The following SLC35E3 variants were observed in gnomAD, a reference collection of about 807,000 sequenced individuals.
SLC35E3 encodes the protein bladder cancer-overexpressed gene 1 protein.
Under a neutral mutation model 30.8 loss-of-function variants are expected in SLC35E3, and 28 were observed. That is an observed-to-expected ratio of 0.91 (90% CI 0.67 to 1.25). The LOEUF (loss-of-function observed/expected upper bound fraction) is 1.25. Ranked by LOEUF, SLC35E3 falls within the 50% of genes most tolerant of loss-of-function variation. The pLI, the probability that SLC35E3 is intolerant of heterozygous loss-of-function variation, is 0.00. For synonymous variants in SLC35E3, 146 were observed against 149.2 expected (o/e 0.98, Z 0.16); for missense variants, 365 against 375.4 (o/e 0.97, Z 0.23).
At position 68,750,111 on chromosome 12, in the gene SLC35E3, G is replaced by A. The variant is rs55991335; in HGVS notation, c.514-1921G>A. ...AAAGGTTAAAAGGCACTCCAGGGGC[G>A]TTTTGGGGAACATAGGAGAACCTGA... On this transcript the variant is annotated intron_variant, in intron 2 of 4. Transcript: ENST00000398004. 3.1e-3 allele frequency among the ~76,000 whole-genome samples: 473 copies of A among 152,258 alleles called. 3 individuals carry two copies. The highest frequency in any genetic ancestry group is 0.011 in the African/African-American group (454 of 41,534).
At chr12:68,757,327 G>A (rs1213235410) in intron 3 of SLC35E3, among the ~76,000 whole-genome samples, 2 of 152,116 alleles carry the variant, frequency 1.3e-5, no homozygotes, top group South Asian at 4.1e-4. Flanking sequence ...GAGTAATTGT[G>A]TTTTTAATGA....
At chr12:68,764,476 A>T (rs992432955) in intron 4 of SLC35E3, among the ~76,000 whole-genome samples, 5 of 152,062 alleles carry the variant, frequency 3.3e-5, no homozygotes, top group African/African-American at 9.7e-5. Context: ...TTTTGTAGAG[A>T]CAAGGTTTCA....
intron 2 of SLC35E3, among the ~76,000 whole-genome samples, chr12:68,751,321 A>G (rs1878786675): frequency 6.9e-6 from 1 of 145,536 alleles, no homozygotes; most frequent in Non-Finnish European, 1.5e-5. Context: ...TTTTTTAGAC[A>G]GAGTCTCACT....
In SLC35E3 at chr12:68,748,010, TG is replaced by T; in HGVS notation, c.485del (p.Gly162ValfsTer3). The T allele has an allele frequency of 6.2e-7, 1 of 1,611,236 alleles. No individual in the cohort carries two copies. On this transcript the variant is annotated frameshift_variant, in exon 2 of 5. Coordinates refer to ENST00000398004, the MANE Select transcript of SLC35E3 (RefSeq NM_018656.5). LOFTEE classifies it high-confidence loss of function. ...TCCTTGGAATGGTGTTTGCTGCTCT[TG>T]GTGTTTTAGTTACATCCCTTTATCA... ...NFLGMVFAAL[G>X]VLVTSLYQVW...
At position 68,772,330 on chromosome 12, in the gene SLC35E3, G is replaced by T. The variant is rs917616150; in HGVS notation, c.*7440G>T. On this transcript the variant is annotated 3_prime_UTR_variant, in exon 5 of 5. Transcript: ENST00000398004. ...TGGGATTACAGGTGTGAGCCACCAC[G>T]CCTGGCCTGTTTGACCTTTATAAGA... 2.0e-5 allele frequency: 3 copies of T among 152,090 alleles called. No homozygotes were observed. Among genetic ancestry groups the T allele is most frequent in the South Asian group, 4.1e-4 (2 of 4,822 alleles). 9.4% of individuals were successfully genotyped at this position (152,090 alleles called of 1,614,324 possible).
rs1592550798 is a variant in SLC35E3 at position 68,771,475 on chromosome 12, C to T, written c.*6585C>T. 1 of 152,116 alleles carries T rather than the reference C, an allele frequency of 6.6e-6. No homozygotes were observed. The highest frequency in any genetic ancestry group is 2.1e-4 in the South Asian group (1 of 4,820). The allele number at this position is 152,116 out of a possible 1,614,324, so 9.4% of individuals were successfully genotyped here. ...ACTGAAGTTGAGGAACTCTGGTATA[C>T]AATGATAGAACATAATGCTGCAAAA... is the stretch of plus-strand genomic sequence containing the variant. On this transcript the variant is annotated 3_prime_UTR_variant, in exon 5 of 5. Transcript: ENST00000398004.
At position 68,774,119 on chromosome 12, in the gene SLC35E3, A is replaced by G. The variant is rs750747105; in HGVS notation, c.*9229A>G. 2 of 152,174 alleles carry G rather than the reference A, an allele frequency of 1.3e-5. No homozygotes were observed. Among genetic ancestry groups the G allele is most frequent in the Non-Finnish European group, 2.9e-5 (2 of 68,054 alleles). The allele number at this position is 152,174 out of a possible 1,614,324, so 9.4% of individuals were successfully genotyped here. On this transcript the variant is annotated 3_prime_UTR_variant, in exon 5 of 5. Transcript: ENST00000398004. ...GTGCTAATCAGCTTATGACTATAAA[A>G]GAGAGGTGAAGAGAGCCAGATCTGA...
At chr12:68,764,579 C>T (rs1212900895) in intron 4 of SLC35E3, 125 bp from the exon 5 acceptor site, 22 of 788,652 alleles carry the variant, frequency 2.8e-5, no homozygotes, top group East Asian at 2.0e-4. Context: ...TGATCCACCA[C>T]GCCTGGTCCC....
rs952963434 is a variant in SLC35E3 at position 68,770,013 on chromosome 12, C to G, written c.*5123C>G. On this transcript the variant is annotated 3_prime_UTR_variant, in exon 5 of 5. Transcript: ENST00000398004. ...TTCTGTGAGCACATAACAAAAGAAT[C>G]TGGCCCAGGCTTGGCACTTGTGGAG... 16 of 152,198 alleles carry G rather than the reference C, an allele frequency of 1.1e-4. No individual in the cohort carries two copies. Among genetic ancestry groups the G allele is most frequent in the African/African-American group, 3.9e-4 (16 of 41,438 alleles). The allele number at this position is 152,198 out of a possible 1,614,324, so 9.4% of individuals were successfully genotyped here.
intron 2 of SLC35E3, among the ~76,000 whole-genome samples, chr12:68,749,563 A>T (rs1227472802): frequency 6.6e-6 from 1 of 152,206 alleles, no homozygotes; most frequent in African/African-American, 2.4e-5. Context: ...ACACAAAGAG[A>T]CAGCTGGTCA....
At chr12:68,754,764 A>G (rs1878940976) in intron 3 of SLC35E3, among the ~76,000 whole-genome samples, 1 of 151,420 alleles carries the variant, frequency 6.6e-6, no homozygotes, top group African/African-American at 2.4e-5. Flanking sequence ...TATTTTGGGG[A>G]CTTTTATTTT....
intron 2 of SLC35E3, among the ~76,000 whole-genome samples, chr12:68,750,831 T>C (rs1379253602): frequency 1.3e-5 from 2 of 152,178 alleles, no homozygotes; most frequent in African/African-American, 4.8e-5. Flanking sequence ...TCAAATTCCC[T>C]GCTCTTCTAT....
At position 68,746,716 on chromosome 12, in the gene SLC35E3, GATC is replaced by G. The variant is rs1270838054; in HGVS notation, c.342_344del (p.Ile115del). The G allele has an allele frequency of 6.2e-7, 1 of 1,613,544 alleles. No individual in the cohort carries two copies. The highest frequency in any genetic ancestry group is 8.5e-7 in the Non-Finnish European group (1 of 1,179,622). ...TGGCCAAGGCCATGACCACGCCGGT[GATC>G]ATAGCCATCCAGACCTTCTGCTACC... On this transcript the variant is annotated inframe_deletion, in exon 1 of 5. Transcript: ENST00000398004.
chr12:68,749,132 A>G (rs1200584667), intron 2 of SLC35E3, among the ~76,000 whole-genome samples: 1 of 152,214 alleles, frequency 6.6e-6, no homozygotes, highest in African/African-American at 2.4e-5. Context: ...AGTACTCACC[A>G]TCTCTGTCAC....
At chr12:68,760,610 A>T (rs1879207022) in intron 4 of SLC35E3, among the ~76,000 whole-genome samples, 1 of 152,202 alleles carries the variant, frequency 6.6e-6, no homozygotes, top group Non-Finnish European at 1.5e-5. Flanking sequence ...AAATTTGTAC[A>T]TCATACTACC....
In SLC35E3 at chr12:68,775,572, C is replaced by A. The variant is rs573347219; in HGVS notation, c.*10682C>A. ...ATGACCCAGTCACCTTTTAAAGGCG[C>A]CATCTCTCAATATTGCCACATTGGG... On this transcript the variant is annotated 3_prime_UTR_variant, in exon 5 of 5. Transcript: ENST00000398004. 2 of 152,162 alleles carry A rather than the reference C, an allele frequency of 1.3e-5. No individual in the cohort carries two copies. Among genetic ancestry groups the A allele is most frequent in the Non-Finnish European group, 2.9e-5 (2 of 68,054 alleles). The allele number at this position is 152,162 out of a possible 1,614,324, so 9.4% of individuals were successfully genotyped here. A position where few individuals can be genotyped will look rare whatever the true frequency, so the allele number is the denominator to read the frequency against.
intron 1 of SLC35E3, among the ~76,000 whole-genome samples, chr12:68,747,365 G>A (rs138530792): frequency 0.01 from 1,553 of 152,142 alleles, 8 homozygotes; most frequent in Non-Finnish European, 0.017. Flanking sequence ...CGCCTCCCGG[G>A]TTTAAGCGAT....
Position 68,766,575 on chromosome 12 carries a change from C to A in SLC35E3, c.*1685C>A, listed in dbSNP as rs1308080751. The A allele has an allele frequency of 4.4e-6, 1 of 225,090 alleles. No homozygotes were observed. 13.9% of individuals were successfully genotyped at this position (225,090 alleles called of 1,614,324 possible). A position where few individuals can be genotyped will look rare whatever the true frequency, so the allele number is the denominator to read the frequency against. On this transcript the variant is annotated 3_prime_UTR_variant, in exon 5 of 5. Coordinates refer to ENST00000398004, the MANE Select transcript of SLC35E3 (RefSeq NM_018656.5). ...TGAACATGTTTGTTAGCTGTTTGAG[C>A]ATTTTATATTGGTAAATTTTTTATT...
chr12:68,747,258 G>A (rs1375028166), intron 1 of SLC35E3, among the ~76,000 whole-genome samples: 1 of 149,244 alleles, frequency 6.7e-6, no homozygotes, highest in Non-Finnish European at 1.5e-5. Context: ...CTTATTTAAG[G>A]TCTTTTTCTT....
Sources: allele counts gnomAD v4.1 joint callset (sites outside exome capture counted in the v4.1 genomes callset), GRCh38; gene constraint gnomAD v4.1.1; transcripts MANE v1.5; gene names NCBI Gene and HGNC (gene_info 2026-07-23, HGNC 2026-07-21).